The following BCAT2 variants were observed in gnomAD, a reference collection of about 807,000 sequenced individuals.
BCAT2 encodes the protein branched chain amino acid transaminase 2, also known as branched-chain-amino-acid aminotransferase, mitochondrial.
In BCAT2, 44 loss-of-function variants were observed where a neutral mutation model predicts 52.9. The ratio of observed to expected loss-of-function variants is 0.83; its 90% CI spans 0.65 to 1.07. The LOEUF is 1.07. Ranked by LOEUF, BCAT2 falls within the 50% of genes least tolerant of loss-of-function variation. The pLI, the probability that BCAT2 is intolerant of heterozygous loss-of-function variation, is 0.00. For synonymous variants in BCAT2, 215 were observed against 217.1 expected, an observed-to-expected ratio of 0.99 and a Z score of 0.08; for missense variants, 478 against 521.8, an observed-to-expected ratio of 0.92 and a Z score of 0.82.
intron 3 of BCAT2, among the ~76,000 whole-genome samples, chr19:48,802,823 TA>T (rs2034686553): frequency 6.6e-6 from 1 of 152,060 alleles, no homozygotes; most frequent in African/African-American, 2.4e-5. Flanking sequence ...GGGGATTGCC[TA>T]AGGAGGTGCA....
rs1163946751 is a variant in BCAT2, at chr19:48,806,622, C to T, written c.195G>A (p.Met65Ile). Residue 65 changes from methionine (M) to isoleucine (I), a missense_variant, in exon 3 of 11, where the codon ATG (methionine) becomes ATA (isoleucine). Met to Ile is a conservative substitution (Grantham distance 10). Transcript: ENST00000316273. ...CCTTGTCATTCCATTCCACCATCAGCATGTGGTCGGTAAATGTCTTCCCAA... is the reference window on the plus strand; with the variant it reads ...CCTTGTCATTCCATTCCACCATCAGTATGTGGTCGGTAAATGTCTTCCCAA... ...LVFGKTFTDH[M>I]LMVEWNDKGW... 7.4e-6 allele frequency: 12 copies of T among 1,614,192 alleles called. No homozygotes were observed. The highest frequency in any genetic ancestry group is 1.0e-5 in the Non-Finnish European group (12 of 1,180,042).
intron 7 of BCAT2, 60 bp from the exon 8 acceptor site, chr19:48,797,082 A>G (rs1008281401): frequency 1.2e-6 from 2 of 1,610,832 alleles, no homozygotes; most frequent in African/African-American, 2.7e-5. Context: ...CGCCGTCTTA[A>G]GAGCCACCCC....
In BCAT2 at chr19:48,807,902, T is replaced by C. The variant is rs549255708; in HGVS notation, c.25-828A>G. The stretch of plus-strand genomic sequence containing the variant: ...CCCAGAGGGGAGTAGGAAGAGCAGG[T>C]CTGGCTGTGTCCAGCAGGCTGGGCC... On this transcript the variant is annotated intron_variant, in intron 1 of 10. Transcript: ENST00000316273. This position sits in a 1 kb window ranked among gnomAD's most constrained non-coding sequence, Gnocchi z 4.6. The C allele has an allele frequency of 5.1e-6, 5 of 985,614 alleles. No homozygotes were observed. The East Asian group carries it at 5.6e-4, about 111-fold the overall frequency. 61.1% of individuals were successfully genotyped at this position (985,614 alleles called of 1,614,324 possible). A position where few individuals can be genotyped will look rare whatever the true frequency, so the allele number is the denominator to read the frequency against.
At chr19:48,808,246 G>A in intron 1 of BCAT2, 1 of 985,762 alleles carries the variant, frequency 1.0e-6, no homozygotes. Context: ...TCTGCCCAGA[G>A]GGATAGGACA....
chr19:48,796,466 G>C lies in BCAT2; in HGVS notation c.1102C>G (p.Leu368Val). The C allele has an allele frequency of 1.9e-6, 3 of 1,613,986 alleles. No homozygotes were observed. The highest frequency in any genetic ancestry group is 2.5e-6 in the Non-Finnish European group (3 of 1,180,004). The change falls in exon 10 of 11, where the codon CTG becomes GTG. Residue 368 changes from leucine (L) to valine (V), a missense_variant. Physicochemically the swap from Leu to Val is conservative, Grantham distance 32. Transcript: ENST00000316273. ...AGCTCCTTCTGGAAGCGGAGGATCA[G>C]CTCAGGCCCATTTTCCATGGTGGGA... ...HIPTMENGPELILRFQKELKE... is the reference protein window; with the variant it reads ...HIPTMENGPEVILRFQKELKE...
rs1240996427 is a variant in BCAT2 at position 48,807,347 on chromosome 19, G to A, written c.25-273C>T. 5 of 378,710 alleles carry A rather than the reference G, an allele frequency of 1.3e-5. No individual in the cohort carries two copies. Among genetic ancestry groups the A allele is most frequent in the African/African-American group, 1.1e-4 (5 of 46,946 alleles). The allele number at this position is 378,710 out of a possible 1,614,324, so 23.5% of individuals were successfully genotyped here. Reference sequence around the variant, plus strand: ...GCGCCTCCCACCCCAGAGACCTTTGGTCGCAGCCTGGAGATCAGCTCAGAC... The same window carrying A: ...GCGCCTCCCACCCCAGAGACCTTTGATCGCAGCCTGGAGATCAGCTCAGAC... On this transcript the variant is annotated intron_variant, in intron 1 of 10. Transcript: ENST00000316273. This position sits in a 1 kb window ranked among gnomAD's most constrained non-coding sequence, Gnocchi z 4.6.
rs1468467801 is a variant in BCAT2 at position 48,810,997 on chromosome 19, G to C, written c.11C>G (p.Ala4Gly). The C allele has an allele frequency of 6.2e-7, 1 of 1,607,942 alleles. No homozygotes were observed. The highest frequency in any genetic ancestry group is 8.5e-7 in the Non-Finnish European group (1 of 1,177,998). Residue 4 changes from alanine to glycine, a missense_variant, in exon 1 of 11, where the codon GCC (alanine) becomes GGC (glycine). Transcript: ENST00000316273. Reference sequence around the variant, plus strand: ...CTGCGAACCCACCTGCCCCAGAGCGGCTGCGGCCATGATCCGTGCGGCGCG... The same window carrying C: ...CTGCGAACCCACCTGCCCCAGAGCGCCTGCGGCCATGATCCGTGCGGCGCG... Reference protein sequence around the residue: MAAAALGQIWARKL... With the variant: MAAGALGQIWARKL...
chr19:48,800,976 TTTTTGTTTTG>T (rs66581317), intron 3 of BCAT2, among the ~76,000 whole-genome samples: 113 of 149,716 alleles, frequency 7.5e-4, no homozygotes, highest in African/African-American at 1.9e-3. Flanking sequence ...ACAGAGTGTT[TTTTTGTTTTG>T]TTTTGTTTTG....
At position 48,795,250 on chromosome 19, in the gene BCAT2, T is replaced by C. The variant is rs994078493; in HGVS notation, c.*176A>G. 4.0e-6 allele frequency: 3 copies of C among 747,250 alleles called. No homozygotes were observed. The highest frequency in any genetic ancestry group is 3.5e-5 in the African/African-American group (2 of 57,234). The allele number at this position is 747,250 out of a possible 1,614,324, so 46.3% of individuals were successfully genotyped here. On this transcript the variant is annotated 3_prime_UTR_variant, in exon 11 of 11. Coordinates refer to ENST00000316273, the MANE Select transcript of BCAT2 (RefSeq NM_001190.4). ...ACGAGGGGCTGGGGGCCAAGATGCC[T>C]GGGTCGGCCCTTACGGCTTTGGGAG...
At chr19:48,803,939 A>T (rs2034709080) in intron 3 of BCAT2, among the ~76,000 whole-genome samples, 1 of 151,976 alleles carries the variant, frequency 6.6e-6, no homozygotes, top group East Asian at 1.9e-4. Context: ...GCGGTGGATC[A>T]TCTGAGGTCG....
At chr19:48,797,919 C>T (rs1018820364) in intron 6 of BCAT2, among the ~76,000 whole-genome samples, 18 of 151,152 alleles carry the variant, frequency 1.2e-4, no homozygotes, top group Admixed American at 9.9e-4. Context: ...CGGGTCCAAG[C>T]GATTCTCGTG....
chr19:48,797,662 T>G (rs1289813819), intron 6 of BCAT2: 1 of 302,726 alleles, frequency 3.3e-6, no homozygotes, highest in Non-Finnish European at 6.3e-6. Context: ...GAGATTCTCC[T>G]GCCTCAGCCT....
intron 1 of BCAT2, chr19:48,808,102 G>A: frequency 1.0e-6 from 1 of 987,216 alleles, no homozygotes; most frequent in Non-Finnish European, 1.2e-6. Context: ...GTCGCTAGGT[G>A]AGTTGCTGGG....
At position 48,799,619 on chromosome 19, in the gene BCAT2, C is replaced by T. The variant is rs2034608213; in HGVS notation, c.695+56G>A. ...ATGGCCGAAAGCACGCACGCTGGTC[C>T]CTGTGTCTCCAACGCCCAGTGCGCC... is the stretch of plus-strand genomic sequence containing the variant. On this transcript the variant is annotated intron_variant, in intron 6 of 10. Transcript: ENST00000316273. The surrounding 1 kb of genome is among the most constrained non-coding windows in gnomAD (Gnocchi z 5.5). 1.3e-6 allele frequency: 2 copies of T among 1,495,376 alleles called. No individual in the cohort carries two copies. Among genetic ancestry groups the T allele is most frequent in the South Asian group, 1.4e-5 (1 of 71,700 alleles). The allele number at this position is 1,495,376 out of a possible 1,614,324, so 92.6% of individuals were successfully genotyped here.
intron 1 of BCAT2, chr19:48,808,408 A>C (rs73059576): frequency 0.013 from 4,715 of 355,378 alleles, 103 homozygotes; most frequent in Non-Finnish European, 0.015. Flanking sequence ...CAGAAAAAAA[A>C]AAAAACAAAA....
In BCAT2 at chr19:48,806,550, G is replaced by C. The variant is rs574280145; in HGVS notation, c.267C>G (p.His89Gln). 15 of 1,614,048 alleles carry C rather than the reference G, an allele frequency of 9.3e-6. No individual in the cohort carries two copies. In the South Asian group the frequency reaches 1.6e-4, roughly 18 times the overall value. ...AGTAGTGGAGGCTGGAGGAGGCTGG[G>C]TGCAGCGTGAGGTTCTGGAAGGGCT... ...RIQPFQNLTLHPASSSLHYSL... is the reference protein window; with the variant it reads ...RIQPFQNLTLQPASSSLHYSL... Residue 89 changes from histidine (H) to glutamine (Q), a missense_variant, in exon 3 of 11, where the codon CAC becomes CAG. Transcript: ENST00000316273.
chr19:48,798,852 G>A (rs1264275323), intron 6 of BCAT2: 3 of 148,684 alleles, frequency 2.0e-5, no homozygotes, highest in Non-Finnish European at 4.4e-5. Context: ...TAATCAGGAT[G>A]GTCTCGATCT....
chr19:48,802,514 C>T (rs2034680635), intron 3 of BCAT2, among the ~76,000 whole-genome samples: 1 of 130,978 alleles, frequency 7.6e-6, no homozygotes, highest in Non-Finnish European at 1.5e-5. Flanking sequence ...GTGGCGCAAT[C>T]TCGGCTCACT....
intron 6 of BCAT2, among the ~76,000 whole-genome samples, chr19:48,798,227 C>G (rs1314405294): frequency 2.0e-5 from 3 of 152,186 alleles, no homozygotes; most frequent in African/African-American, 7.2e-5. Flanking sequence ...CTGTTGTCAC[C>G]TCCTCGAGAG....
Sources: allele counts gnomAD v4.1 joint callset (sites outside exome capture counted in the v4.1 genomes callset), GRCh38; gene constraint gnomAD v4.1.1; non-coding constraint Gnocchi (gnomAD v3.1); transcripts MANE v1.5; gene names NCBI Gene and HGNC (gene_info 2026-07-23, HGNC 2026-07-21).